The following RAP1GAP2 variants were observed in gnomAD, a reference collection of about 807,000 sequenced individuals.
RAP1GAP2 encodes rap1 GTPase-activating protein 2.
A neutral mutation model predicts 95.0 loss-of-function variants in RAP1GAP2; 27 were observed. The ratio of observed to expected loss-of-function variants is 0.28; its 90% CI spans 0.21 to 0.39. The LOEUF (loss-of-function observed/expected upper bound fraction) is 0.39, where lower values mean the gene tolerates loss of function less well. RAP1GAP2 is among the 10% of genes least tolerant of loss of function. The pLI, the probability that RAP1GAP2 is intolerant of heterozygous loss-of-function variation, is 1.00. For missense variants in RAP1GAP2, 771 were observed against 970.0 expected (o/e 0.79, Z 2.72); for synonymous variants, 373 against 380.9 (o/e 0.98, Z 0.24).
Position 2,998,284 on chromosome 17 carries a change from C to T in RAP1GAP2, c.1108C>T (p.Pro370Ser). ...CATCATCTTCCAAGAGGAAAACACG[C>T]CGTTTGTCCCAGACATGATAGCCTC... ...VAIIFQEENTPFVPDMIASNF... is the reference protein window; with the variant it reads ...VAIIFQEENTSFVPDMIASNF... The change falls in exon 14 of 25, where the codon CCG becomes TCG. Residue 370 changes from proline (P) to serine (S), a missense_variant. Physicochemically the swap from Pro to Ser is moderately conservative, Grantham distance 74. Coordinates refer to ENST00000254695, the MANE Select transcript of RAP1GAP2 (RefSeq NM_015085.5). 1 of 1,614,014 alleles carries T rather than the reference C, an allele frequency of 6.2e-7. No homozygotes were observed. The highest frequency in any genetic ancestry group is 2.2e-5 in the East Asian group (1 of 44,888).
intron 11 of RAP1GAP2, 96 bp from the exon 12 acceptor site, chr17:2,991,201 G>A (rs2151564798): frequency 1.0e-6 from 1 of 993,088 alleles, no homozygotes; most frequent in South Asian, 1.4e-5. Context: ...AGGGAGAAAG[G>A]AAGAAAGGGA....
At chr17:3,012,763 C>T (rs977474752) in intron 17 of RAP1GAP2, among the ~76,000 whole-genome samples, 6 of 151,996 alleles carry the variant, frequency 3.9e-5, no homozygotes, top group Admixed American at 6.6e-5. Flanking sequence ...AGCAGATTCT[C>T]GGGAGTCTTG....
Position 2,979,950 on chromosome 17 carries a change from T to C in RAP1GAP2, c.597-337T>C, listed in dbSNP as rs58882173. On this transcript the variant is annotated intron_variant, in intron 8 of 24. Transcript: ENST00000254695. ...TTGGACTGTTTCTTTCCTTTTCTTC[T>C]TTTTTTTGAGGTGGAGTCTCACTCT... Among the ~76,000 whole-genome samples the C allele has an allele frequency of 0.019, 2,923 of 151,492 alleles. 169 individuals are homozygous for C. The East Asian group carries it at 0.21, about 11-fold the overall frequency.
chr17:3,000,737 A>G lies in RAP1GAP2; in HGVS notation c.1200+2361A>G, dbSNP rs76533479. On this transcript the variant is annotated intron_variant, in intron 14 of 24. Transcript: ENST00000254695. ...GGGCCTTCCTGATGCCGGAGAAGGG[A>G]CAGAAGAAGCAGGGAGTGCAGGTCC... Among the ~76,000 whole-genome samples the G allele has an allele frequency of 9.1e-3, 79 of 8,666 alleles. 2 individuals are homozygous for G. The highest frequency in any genetic ancestry group is 0.047 in the South Asian group (9 of 192). The allele number at this position is 8,666 out of a possible 152,430, so 5.7% of individuals were successfully genotyped here. A position where few individuals can be genotyped will look rare whatever the true frequency, so the allele number is the denominator to read the frequency against.
At chr17:2,789,761 G>T (rs886939659) in intron 1 of RAP1GAP2, among the ~76,000 whole-genome samples, 1 of 122,776 alleles carries the variant, frequency 8.1e-6, no homozygotes, top group Admixed American at 1.1e-4. Flanking sequence ...CAGCTTGGGC[G>T]ACAGAGTGAG....
At chr17:2,948,711 A>G (rs1279954852) in intron 3 of RAP1GAP2, among the ~76,000 whole-genome samples, 1 of 112,706 alleles carries the variant, frequency 8.9e-6, no homozygotes. Flanking sequence ...GGGGTCCTGG[A>G]CTCGGGTGCA....
intron 3 of RAP1GAP2, among the ~76,000 whole-genome samples, chr17:2,933,159 C>T (rs953981817): frequency 2.6e-5 from 4 of 152,208 alleles, no homozygotes; most frequent in Admixed American, 1.3e-4. Context: ...GAAATGGAGT[C>T]GTGTGGGCGG....
intron 3 of RAP1GAP2, among the ~76,000 whole-genome samples, chr17:2,919,364 T>C (rs1402551793): frequency 2.0e-5 from 3 of 152,210 alleles, no homozygotes; most frequent in Non-Finnish European, 4.4e-5. Flanking sequence ...ATGAAGGTTT[T>C]TGGGACTAGA....
At chr17:2,976,463 T>G (rs2045125509) in intron 8 of RAP1GAP2, among the ~76,000 whole-genome samples, 1 of 152,064 alleles carries the variant, frequency 6.6e-6, no homozygotes, top group African/African-American at 2.4e-5. Context: ...ACTAATGGAC[T>G]AAAGAGGAAA....
chr17:2,768,026 G>A (rs899804975), intron 1 of RAP1GAP2, among the ~76,000 whole-genome samples: 3 of 152,008 alleles, frequency 2.0e-5, no homozygotes, highest in Non-Finnish European at 4.4e-5. Context: ...GCCACCGTAC[G>A]TGGCCAATTT....
At chr17:2,844,411 C>T (rs920830690) in intron 2 of RAP1GAP2, among the ~76,000 whole-genome samples, 2 of 152,104 alleles carry the variant, frequency 1.3e-5, no homozygotes, top group Non-Finnish European at 2.9e-5. Context: ...GAGGGAGTTG[C>T]TTACACGAAA....
At chr17:2,984,589 C>A (rs1398533810) in intron 10 of RAP1GAP2, among the ~76,000 whole-genome samples, 1 of 152,132 alleles carries the variant, frequency 6.6e-6, no homozygotes, top group Non-Finnish European at 1.5e-5. Flanking sequence ...ACTCATGCTG[C>A]TGATTAGAGG....
rs1358260701 is a variant in RAP1GAP2, at chr17:3,003,124, G to A, written c.1201-2245G>A. On this transcript the variant is annotated intron_variant, in intron 14 of 24. Transcript: ENST00000254695. This position sits in a 1 kb window ranked among gnomAD's most constrained non-coding sequence, Gnocchi z 4.1. ...AGACCTCTCGCTAGAGGGAGGAAAT[G>A]GAAGCTGAGAGCTGAACCCACTTAA... Among the ~76,000 whole-genome samples the A allele has an allele frequency of 6.6e-6, 1 of 152,178 alleles. No individual in the cohort carries two copies. The highest frequency in any genetic ancestry group is 1.9e-4 in the East Asian group (1 of 5,184).
intron 2 of RAP1GAP2, among the ~76,000 whole-genome samples, chr17:2,892,109 C>T (rs1176976343): frequency 6.6e-6 from 1 of 152,048 alleles, no homozygotes; most frequent in African/African-American, 2.4e-5. Flanking sequence ...CAGGCGTGAG[C>T]CACCGCACCC....
chr17:2,784,320 G>T (rs554752885), intron 1 of RAP1GAP2, among the ~76,000 whole-genome samples: 1 of 151,132 alleles, frequency 6.6e-6, no homozygotes, highest in South Asian at 2.1e-4. Flanking sequence ...GCCCAGGCTG[G>T]AGTACAGTGG....
At chr17:2,801,501 A>AT (rs1037239093) in intron 2 of RAP1GAP2, among the ~76,000 whole-genome samples, 1 of 150,978 alleles carries the variant, frequency 6.6e-6, no homozygotes, top group African/African-American at 2.4e-5. Flanking sequence ...AGATAATTAC[A>AT]TTTTTTATCA....
At chr17:2,985,713 T>C (rs1189555913) in intron 11 of RAP1GAP2, among the ~76,000 whole-genome samples, 1 of 152,186 alleles carries the variant, frequency 6.6e-6, no homozygotes. Context: ...CAAAGTGTGT[T>C]TCATGAATGC....
rs1024026614 is a variant in RAP1GAP2 at position 2,871,395 on chromosome 17, G to T, written c.81-33889G>T. Reference sequence around the variant, plus strand: ...TCCATCTCAGTCCCTATGTGCAGGGGTGGGAGCGGGGAGCCATGATTGGCC... The same window carrying T: ...TCCATCTCAGTCCCTATGTGCAGGGTTGGGAGCGGGGAGCCATGATTGGCC... On this transcript the variant is annotated intron_variant, in intron 2 of 24. Coordinates refer to ENST00000254695, the MANE Select transcript of RAP1GAP2 (RefSeq NM_015085.5). The surrounding 1 kb of genome is among the most constrained non-coding windows in gnomAD (Gnocchi z 5.0). Among the ~76,000 whole-genome samples the T allele has an allele frequency of 4.6e-5, 7 of 152,216 alleles. No homozygotes were observed. The highest frequency in any genetic ancestry group is 3.9e-4 in the Admixed American group (6 of 15,282).
intron 3 of RAP1GAP2, among the ~76,000 whole-genome samples, chr17:2,912,801 G>T (rs1350840950): frequency 6.6e-6 from 1 of 152,176 alleles, no homozygotes; most frequent in African/African-American, 2.4e-5. Context: ...AGCCAAGGAA[G>T]TTCACATCTG....
Sources: allele counts gnomAD v4.1 joint callset (sites outside exome capture counted in the v4.1 genomes callset), GRCh38; gene constraint gnomAD v4.1.1; non-coding constraint Gnocchi (gnomAD v3.1); transcripts MANE v1.5; gene names NCBI Gene and HGNC (gene_info 2026-07-23, HGNC 2026-07-21).